Variants in IGSF23 observed in about 807,000 individuals in gnomAD.
The protein encoded by IGSF23 is immunoglobulin superfamily member 23, also known as immunoglobulin superfamily, member 23.
In IGSF23, 14 loss-of-function variants were observed where a neutral mutation model predicts 17.8. That is an observed-to-expected ratio of 0.79 (90% confidence interval 0.52 to 1.23). The LOEUF (loss-of-function observed/expected upper bound fraction) is 1.23, where lower values mean the gene tolerates loss of function less well. Among genes scored for constraint, IGSF23 ranks in the 50% most tolerant of loss-of-function variants. The pLI, the probability that IGSF23 is intolerant of heterozygous loss-of-function variation, is 0.00. For missense variants in IGSF23, 214 were observed against 241.7 expected, an observed-to-expected ratio of 0.89 and a Z score of 0.76; for synonymous variants, 85 against 92.5, an observed-to-expected ratio of 0.92 and a Z score of 0.46.
intron 1 of IGSF23, among the ~76,000 whole-genome samples, chr19:44,615,910 G>GT (rs1177467656): frequency 5.4e-5 from 8 of 147,118 alleles, no homozygotes; most frequent in Non-Finnish European, 1.1e-4. Context: ...CTTCCTGGGG[G>GT]CGGGAGGGTG....
chr19:44,626,950 C>G (rs1972663082), intron 2 of IGSF23, among the ~76,000 whole-genome samples: 1 of 150,458 alleles, frequency 6.6e-6, no homozygotes, highest in African/African-American at 2.5e-5. Context: ...ATTATGCAAG[C>G]CAAGAGAGAG....
Position 44,627,487 on chromosome 19 carries a change from C to T in IGSF23, c.459C>T (p.Gly153=). 2 of 1,550,556 alleles carry T rather than the reference C, an allele frequency of 1.3e-6. No individual in the cohort carries two copies. The highest frequency in any genetic ancestry group is 1.7e-6 in the Non-Finnish European group (2 of 1,146,968). Reference sequence around the variant, plus strand: ...ACCCCACTCTGTCCCTGTCAGGAGGCTCTGCCATCGGGCTCCTTGCGGCTG... The same window carrying T: ...ACCCCACTCTGTCCCTGTCAGGAGGTTCTGCCATCGGGCTCCTTGCGGCTG... ...EPDPTLSLSG[G]SAIGLLAAGI... The change falls in exon 3 of 5, where the codon GGC becomes GGT. Residue 153 remains glycine (G), a synonymous_variant. Transcript: ENST00000402988.
At chr19:44,623,648 G>T in intron 1 of IGSF23, 59 bp from the exon 2 acceptor site, 1 of 1,483,456 alleles carries the variant, frequency 6.7e-7, no homozygotes, top group Non-Finnish European at 9.2e-7. Flanking sequence ...CAGAAGAAAT[G>T]CCCAGCTTTT....
chr19:44,616,974 C>A (rs56227398), intron 1 of IGSF23, among the ~76,000 whole-genome samples: 11,913 of 151,918 alleles, frequency 0.078, 500 homozygotes, highest in Middle Eastern at 0.14. Context: ...TCATAGCTCA[C>A]TGAAACCTCA....
intron 2 of IGSF23, 101 bp from the exon 3 acceptor site, chr19:44,627,319 T>C: frequency 8.4e-7 from 1 of 1,196,892 alleles, no homozygotes; most frequent in South Asian, 1.6e-5. Context: ...AAGAGAAGGA[T>C]GGATTGAAGA....
At chr19:44,627,004 G>A (rs1972664326) in intron 2 of IGSF23, among the ~76,000 whole-genome samples, 1 of 152,124 alleles carries the variant, frequency 6.6e-6, no homozygotes, top group Admixed American at 6.5e-5. Context: ...CAGGCCTGGA[G>A]GCAAGAGAGA....
At chr19:44,627,352 A>G in intron 2 of IGSF23, 68 bp from the exon 3 acceptor site, 1 of 1,395,986 alleles carries the variant, frequency 7.2e-7, no homozygotes, top group East Asian at 2.6e-5. Context: ...GGGGAATGGC[A>G]GGAGGGAGGG....
chr19:44,626,123 G>A (rs1331010652), intron 2 of IGSF23, among the ~76,000 whole-genome samples: 2 of 152,118 alleles, frequency 1.3e-5, no homozygotes. Context: ...GGAGAGAAGA[G>A]AGGGAGGGTA....
chr19:44,629,068 A>G (rs1286251663), intron 3 of IGSF23, among the ~76,000 whole-genome samples: 1 of 152,156 alleles, frequency 6.6e-6, no homozygotes, highest in African/African-American at 2.4e-5. Flanking sequence ...GAGAAGTAAC[A>G]TGTGGGTCAG....
At chr19:44,633,699 C>T (rs1038907651) in intron 3 of IGSF23, among the ~76,000 whole-genome samples, 2 of 152,174 alleles carry the variant, frequency 1.3e-5, no homozygotes, top group African/African-American at 2.4e-5. Flanking sequence ...AATGTCCGCT[C>T]CTGTATCTGC....
At chr19:44,629,001 C>A (rs1972712245) in intron 3 of IGSF23, among the ~76,000 whole-genome samples, 1 of 152,246 alleles carries the variant, frequency 6.6e-6, no homozygotes, top group East Asian at 1.9e-4. Context: ...GATTGCCTGG[C>A]ATGTTCAGGA....
At position 44,635,385 on chromosome 19, in the gene IGSF23, T is replaced by G; in HGVS notation, c.546-16T>G. On this transcript the variant is annotated splice_polypyrimidine_tract_variant and intron_variant, in intron 3 of 4. Transcript: ENST00000402988. The stretch of plus-strand genomic sequence containing the variant: ...CTCTCTCTCTCTCTCTGTCTCTCTC[T>G]CTCTCTCCACTGCAGGACTGACAGG... 1 of 1,537,410 alleles carries G rather than the reference T, an allele frequency of 6.5e-7. No homozygotes were observed. Among genetic ancestry groups the G allele is most frequent in the Non-Finnish European group, 8.8e-7 (1 of 1,137,198 alleles).
chr19:44,620,223 CA>C (rs1972483708), intron 1 of IGSF23, among the ~76,000 whole-genome samples: 2 of 152,050 alleles, frequency 1.3e-5, no homozygotes, highest in Admixed American at 6.5e-5. Flanking sequence ...GAGCCAAGAC[CA>C]TGCCACTGCA....
At chr19:44,617,166 C>T (rs1165883115) in intron 1 of IGSF23, among the ~76,000 whole-genome samples, 2 of 130,994 alleles carry the variant, frequency 1.5e-5, no homozygotes, top group Admixed American at 7.6e-5. Flanking sequence ...CCTCCCCCCG[C>T]CCCCGCAAAG....
At chr19:44,635,354 CT>C (rs1163582606) in intron 3 of IGSF23, 46 bp from the exon 4 acceptor site, 23 of 1,126,134 alleles carry the variant, frequency 2.0e-5, no homozygotes, top group Non-Finnish European at 2.8e-5. Flanking sequence ...CTTATTCTCT[CT>C]CTCTCTCTCT....
At chr19:44,627,760 G>C (rs536504101) in intron 3 of IGSF23, among the ~76,000 whole-genome samples, 187 bp downstream of exon 3, 4 of 152,272 alleles carry the variant, frequency 2.6e-5, no homozygotes, top group South Asian at 4.1e-4. Flanking sequence ...AGAGATAGAA[G>C]AGGACACTAG....
intron 3 of IGSF23, among the ~76,000 whole-genome samples, chr19:44,627,991 C>T (rs1342478143): frequency 6.7e-6 from 1 of 148,934 alleles, no homozygotes; most frequent in Non-Finnish European, 1.5e-5. Context: ...GTTGCCCAGG[C>T]CGGAGTGCAG....
intron 1 of IGSF23, among the ~76,000 whole-genome samples, chr19:44,614,371 G>A (rs755446652): frequency 4.6e-5 from 7 of 152,088 alleles, no homozygotes; most frequent in South Asian, 2.1e-4. Context: ...AATAACAGCC[G>A]TAATAGAAGG....
chr19:44,627,674 C>T, intron 3 of IGSF23, 101 bp downstream of exon 3: 1 of 1,335,252 alleles, frequency 7.5e-7, no homozygotes, highest in African/African-American at 1.5e-5. Context: ...ACCAACACCC[C>T]CATCAGGGAG....
Sources: allele counts gnomAD v4.1 joint callset (sites outside exome capture counted in the v4.1 genomes callset), GRCh38; gene constraint gnomAD v4.1.1; transcripts MANE v1.5; gene names NCBI Gene and HGNC (gene_info 2026-07-23, HGNC 2026-07-21).